Variants in TSGA10 observed in about 807,000 individuals in gnomAD.
TSGA10 encodes the protein testis specific 10.
Under a neutral mutation model 96.6 loss-of-function variants are expected in TSGA10, and 43 were observed. The observed-to-expected ratio is 0.44, with a 90% CI of 0.35 to 0.57. The LOEUF is 0.57. Ranked by LOEUF, TSGA10 falls within the 20% of genes least tolerant of loss-of-function variation. The pLI, the probability that TSGA10 is intolerant of heterozygous loss-of-function variation, is 0.01. For missense variants in TSGA10, 703 were observed against 834.4 expected, an observed-to-expected ratio of 0.84 and a Z score of 1.94; for synonymous variants, 229 against 269.9, an observed-to-expected ratio of 0.85 and a Z score of 1.48.
intron 10 of TSGA10, among the ~76,000 whole-genome samples, chr2:99,085,604 G>A (rs1416626228): frequency 7.8e-5 from 4 of 51,350 alleles, no homozygotes; most frequent in African/African-American, 4.7e-4. Flanking sequence ...GGGCAATCCT[G>A]TCTTTAAAAA....
chr2:99,105,192 C>T (rs2091214572), intron 9 of TSGA10, among the ~76,000 whole-genome samples, 167 bp downstream of exon 9: 1 of 151,572 alleles, frequency 6.6e-6, no homozygotes, highest in Non-Finnish European at 1.5e-5. Context: ...AGGAAATAAA[C>T]AAATGAAAAA....
chr2:99,116,774 CAT>C (rs555585501), intron 4 of TSGA10, among the ~76,000 whole-genome samples: 50 of 151,932 alleles, frequency 3.3e-4, no homozygotes, highest in Non-Finnish European at 4.0e-4. Context: ...AATAATGGTA[CAT>C]GTTTATGGGG....
intron 17 of TSGA10, among the ~76,000 whole-genome samples, chr2:99,021,231 T>C (rs1378296095): frequency 1.3e-5 from 2 of 151,694 alleles, no homozygotes; most frequent in Non-Finnish European, 2.9e-5. Flanking sequence ...TGAAATTACA[T>C]GGAAGGGAGA....
chr2:99,109,267 C>A lies in TSGA10; in HGVS notation c.51+122G>T, dbSNP rs373579499. The A allele has an allele frequency of 1.7e-5, 18 of 1,069,946 alleles. No homozygotes were observed. The African/African-American group carries it at 2.4e-4, about 14-fold the overall frequency. 66.3% of individuals were successfully genotyped at this position (1,069,946 alleles called of 1,614,324 possible). On this transcript the variant is annotated intron_variant, in intron 6 of 20. Coordinates refer to ENST00000393483, the MANE Select transcript of TSGA10 (RefSeq NM_025244.4). ...ATCAAAGAGACCTCTGTCTCTCAAC[C>A]CCTTTGAAACAGCAATTCACAGCAA...
At chr2:99,065,211 T>C in intron 15 of TSGA10, 87 bp from the exon 16 acceptor site, 1 of 1,439,918 alleles carries the variant, frequency 6.9e-7, no homozygotes, top group Non-Finnish European at 9.4e-7. Context: ...GGGAATTCAC[T>C]TGCCATGAGA....
rs1181564039 is a variant in TSGA10, at chr2:99,117,600, C to T, written c.-196G>A. ...TCCACCACAAAATTTTTCTCTTTTT[C>T]GAGTTGCTCTGCTAGTTGGTCAATT... On this transcript the variant is annotated 5_prime_UTR_variant, in exon 4 of 21. Coordinates refer to ENST00000393483, the MANE Select transcript of TSGA10 (RefSeq NM_025244.4). 7.1e-6 allele frequency: 7 copies of T among 985,608 alleles called. No homozygotes were observed. The highest frequency in any genetic ancestry group is 1.1e-4 in the East Asian group (1 of 8,828). 61.1% of individuals were successfully genotyped at this position (985,608 alleles called of 1,614,324 possible). A position where few individuals can be genotyped will look rare whatever the true frequency, so the allele number is the denominator to read the frequency against.
At chr2:99,143,965 C>G (rs2093604449) in intron 1 of TSGA10, among the ~76,000 whole-genome samples, 1 of 152,180 alleles carries the variant, frequency 6.6e-6, no homozygotes, top group South Asian at 2.1e-4. Context: ...GACTCCAATT[C>G]CATATGTGTT....
At chr2:99,014,097 G>A (rs1442882387) in intron 20 of TSGA10, among the ~76,000 whole-genome samples, 1 of 152,194 alleles carries the variant, frequency 6.6e-6, no homozygotes, top group Admixed American at 6.5e-5. Flanking sequence ...GGAGGTTGCA[G>A]TGAACCGAGA....
chr2:99,016,474 T>C (rs916334132), intron 20 of TSGA10, among the ~76,000 whole-genome samples: 3 of 152,134 alleles, frequency 2.0e-5, no homozygotes, highest in African/African-American at 7.2e-5. Context: ...TCCTCATCTC[T>C]CACCTTATAA....
At chr2:99,044,500 T>C (rs1278544460) in intron 16 of TSGA10, among the ~76,000 whole-genome samples, 2 of 152,098 alleles carry the variant, frequency 1.3e-5, no homozygotes, top group Non-Finnish European at 2.9e-5. Flanking sequence ...TAAATATATA[T>C]GCACCCAATA....
chr2:99,111,113 C>G (rs2091771973), intron 4 of TSGA10, among the ~76,000 whole-genome samples, 198 bp from the exon 5 acceptor site: 1 of 152,022 alleles, frequency 6.6e-6, no homozygotes. Context: ...AATAACAATT[C>G]TCTTAAATTC....
intron 1 of TSGA10, among the ~76,000 whole-genome samples, chr2:99,130,201 C>A (rs1321658014): frequency 6.6e-6 from 1 of 152,192 alleles, no homozygotes; most frequent in Non-Finnish European, 1.5e-5. Flanking sequence ...CCTGAGGAAT[C>A]GCCACACTGT....
At position 99,075,314 on chromosome 2, in the gene TSGA10, A is replaced by C. The variant is rs528772707; in HGVS notation, c.883-2241T>G. Reference sequence around the variant, plus strand: ...CAACTAGGGATGTAGATTCATGTTAACTGTCAAAATTCAGTCTGGACAGGA... The same window carrying C: ...CAACTAGGGATGTAGATTCATGTTACCTGTCAAAATTCAGTCTGGACAGGA... On this transcript the variant is annotated intron_variant, in intron 12 of 20. Transcript: ENST00000393483. 2.2e-4 allele frequency among the ~76,000 whole-genome samples: 34 copies of C among 152,310 alleles called. No homozygotes were observed. In the South Asian group the frequency reaches 6.8e-3, roughly 31 times the overall value.
chr2:99,116,107 T>C (rs1259868448), intron 4 of TSGA10, among the ~76,000 whole-genome samples: 1 of 152,186 alleles, frequency 6.6e-6, no homozygotes, highest in Non-Finnish European at 1.5e-5. Flanking sequence ...GTTTAAGAAA[T>C]AACACGTAAT....
At chr2:98,998,864 A>C (rs2077654035) in intron 20 of TSGA10, among the ~76,000 whole-genome samples, 1 of 152,002 alleles carries the variant, frequency 6.6e-6, no homozygotes, top group African/African-American at 2.4e-5. Context: ...TTTTGCAACT[A>C]CTTGTGAGAC....
chr2:99,040,507 CAAAAACA>C (rs1021041586), intron 16 of TSGA10, among the ~76,000 whole-genome samples: 35 of 151,782 alleles, frequency 2.3e-4, no homozygotes, highest in Admixed American at 5.2e-4. Context: ...TTTACAATAG[CAAAAACA>C]AAAAACAAAA....
Position 99,071,840 on chromosome 2 carries a change from C to T in TSGA10, c.973G>A (p.Asp325Asn). 6.2e-7 allele frequency: 1 copy of T among 1,614,004 alleles called. No homozygotes were observed. The highest frequency in any genetic ancestry group is 8.5e-7 in the Non-Finnish European group (1 of 1,179,918). The change falls in exon 14 of 21, where the codon GAC becomes AAC. Residue 325 changes from aspartate (D) to asparagine (N), a missense_variant. Transcript: ENST00000393483. ...CTEALIVCEQ[D>N]VSRMRRQLDE... ...AATTGCCGACGCATTCTGGAAACGT[C>T]TTGTTCACACACAATTAGGGCCTCA...
intron 12 of TSGA10, among the ~76,000 whole-genome samples, chr2:99,075,673 A>G (rs564302431): frequency 6.6e-6 from 1 of 152,266 alleles, no homozygotes; most frequent in East Asian, 1.9e-4. Context: ...TTCCCTACAG[A>G]GGATGGATGT....
intron 1 of TSGA10, among the ~76,000 whole-genome samples, chr2:99,136,756 G>A (rs1410325279): frequency 5.0e-5 from 1 of 19,842 alleles, no homozygotes; most frequent in African/African-American, 1.1e-4. Context: ...CCGAGATCCC[G>A]CCACTGCACT....
Sources: gnomAD v4.1 joint callset for allele counts (sites outside exome capture counted in the v4.1 genomes callset) on GRCh38, gnomAD v4.1.1 for gene constraint, MANE v1.5 for transcripts, NCBI Gene and HGNC (gene_info 2026-07-23, HGNC 2026-07-21) for gene names.